Variants in DUSP22 observed in about 807,000 individuals in gnomAD.
The protein encoded by DUSP22 is dual specificity phosphatase 22, also known as dual specificity protein phosphatase 22.
A neutral mutation model predicts 24.5 loss-of-function variants in DUSP22; 24 were observed. The ratio of observed to expected loss-of-function variants is 0.98; its 90% CI spans 0.71 to 1.38. The LOEUF (loss-of-function observed/expected upper bound fraction) is 1.38. Ranked by LOEUF, DUSP22 falls within the 40% of genes most tolerant of loss-of-function variation. The pLI is 0.00. For missense variants in DUSP22, 330 were observed against 269.2 expected (o/e 1.23, Z -1.58); for synonymous variants, 160 against 106.4 (o/e 1.50, Z -3.10).
At chr6:332,578 C>T (rs1424608404) in intron 3 of DUSP22, among the ~76,000 whole-genome samples, 4 of 152,328 alleles carry the variant, frequency 2.6e-5, no homozygotes, top group East Asian at 3.8e-4. Flanking sequence ...TCCAGTCCCA[C>T]GGCTGGTATT....
At chr6:306,942 C>T (rs888851149) in intron 2 of DUSP22, among the ~76,000 whole-genome samples, 16 of 152,300 alleles carry the variant, frequency 1.1e-4, no homozygotes, top group Admixed American at 2.6e-4. Context: ...GTGATGCCCT[C>T]GGTGGGCTCA....
At chr6:309,460 C>A (rs10214458) in intron 2 of DUSP22, among the ~76,000 whole-genome samples, 879 of 152,104 alleles carry the variant, frequency 5.8e-3, no homozygotes, top group Middle Eastern at 0.017. Flanking sequence ...AATTTGAAGC[C>A]TGAGAGGTTG....
intron 4 of DUSP22, among the ~76,000 whole-genome samples, chr6:345,003 C>G (rs1395124726): frequency 6.6e-6 from 1 of 152,300 alleles, no homozygotes; most frequent in Non-Finnish European, 1.5e-5. Flanking sequence ...TCCAGAACTT[C>G]CCTCAACCCC....
In DUSP22 at chr6:292,708, C is replaced by T. The variant is rs558261395; in HGVS notation, c.21+148C>T. 119 of 1,251,864 alleles carry T rather than the reference C, an allele frequency of 9.5e-5. No homozygotes were observed. In the Admixed American group the frequency reaches 1.0e-3, roughly 11 times the overall value. The allele number at this position is 1,251,864 out of a possible 1,614,324, so 77.5% of individuals were successfully genotyped here. A position where few individuals can be genotyped will look rare whatever the true frequency, so the allele number is the denominator to read the frequency against. On this transcript the variant is annotated intron_variant, in intron 1 of 6. Coordinates refer to ENST00000419235, the MANE Select transcript of DUSP22 (RefSeq NM_001286555.3). ...AGGGAGGGGCGGCGCGCCTGGGCGG[C>T]GACCGCGGAGTCGGGGTTCGGAGGT...
At chr6:337,042 G>A (rs1759388120) in intron 4 of DUSP22, 1 of 152,472 alleles carries the variant, frequency 6.6e-6, no homozygotes, top group Non-Finnish European at 1.5e-5. Flanking sequence ...ACCCACTCTG[G>A]GCTCTGGACA....
chr6:294,887 G>A (rs1171030416), intron 1 of DUSP22, among the ~76,000 whole-genome samples: 1 of 152,278 alleles, frequency 6.6e-6, no homozygotes, highest in Non-Finnish European at 1.5e-5. Context: ...GGATGAAAGT[G>A]ACCTAGAAGG....
intron 3 of DUSP22, among the ~76,000 whole-genome samples, chr6:322,189 T>C (rs1758626477): frequency 6.6e-6 from 1 of 152,306 alleles, no homozygotes; most frequent in Admixed American, 6.5e-5. Flanking sequence ...GCCATTGCTC[T>C]TAAATAAAAC....
intron 2 of DUSP22, among the ~76,000 whole-genome samples, chr6:304,892 T>G (rs2127393484): frequency 8.8e-4 from 1 of 1,136 alleles, no homozygotes; most frequent in South Asian, 0.17. Context: ...CATTCTGCTT[T>G]CTGCCTCTAT....
chr6:349,340 G>A lies in DUSP22; in HGVS notation c.*389G>A. On this transcript the variant is annotated 3_prime_UTR_variant, in exon 7 of 7. Transcript: ENST00000419235. ...AGTGTCTGTGCACATGAATGTTTGT[G>A]TGTGTGTGAACTCTTTCTTACTGCT... The A allele has an allele frequency of 9.3e-7, 1 of 1,076,088 alleles. No individual in the cohort carries two copies. The highest frequency in any genetic ancestry group is 5.0e-5 in the Admixed American group (1 of 19,912). 66.7% of individuals were successfully genotyped at this position (1,076,088 alleles called of 1,614,324 possible). A position where few individuals can be genotyped will look rare whatever the true frequency, so the allele number is the denominator to read the frequency against.
chr6:322,382 T>C (rs941574287), intron 3 of DUSP22, among the ~76,000 whole-genome samples: 3 of 152,302 alleles, frequency 2.0e-5, no homozygotes, highest in Non-Finnish European at 4.4e-5. Flanking sequence ...TCAGCTCTTC[T>C]GAGTGCAGTC....
At chr6:339,804 C>G (rs968712148) in intron 4 of DUSP22, among the ~76,000 whole-genome samples, 1 of 152,302 alleles carries the variant, frequency 6.6e-6, no homozygotes, top group Non-Finnish European at 1.5e-5. Flanking sequence ...CTGACACCTT[C>G]TGTACTTTCA....
chr6:345,781 C>T (rs1759835329), intron 4 of DUSP22, 73 bp from the exon 5 acceptor site: 1 of 1,548,768 alleles, frequency 6.5e-7, no homozygotes, highest in Non-Finnish European at 8.8e-7. Context: ...AAAGAAGCCT[C>T]AGGTAGAATT....
Position 350,754 on chromosome 6 carries a change from C to T in DUSP22, c.*1803C>T. ...AATATGTGCACCTTTACAAACCTCT[C>T]AGTGTATTCTTGGAGTTCTTGAAAT... On this transcript the variant is annotated 3_prime_UTR_variant, in exon 7 of 7. Transcript: ENST00000419235. 1.2e-6 allele frequency: 2 copies of T among 1,613,838 alleles called. No homozygotes were observed. Among genetic ancestry groups the T allele is most frequent in the Non-Finnish European group, 1.7e-6 (2 of 1,179,858 alleles).
intron 1 of DUSP22, 47 bp from the exon 2 acceptor site, chr6:304,581 C>T (rs1272463253): frequency 6.2e-7 from 1 of 1,613,954 alleles, no homozygotes; most frequent in Non-Finnish European, 8.5e-7. Context: ...GCAATACCAT[C>T]CACTTAGAGT....
In DUSP22 at chr6:292,500, GACC is replaced by G; in HGVS notation, c.-37_-35del. On this transcript the variant is annotated 5_prime_UTR_variant, in exon 1 of 7. Coordinates refer to ENST00000419235, the MANE Select transcript of DUSP22 (RefSeq NM_001286555.3). Reference sequence around the variant, plus strand: ...CTGTAACATGCCATAGTGCGCCTGCGACCACACGGCCGGGGCGCTAGCGTTCGC... The same window carrying G: ...CTGTAACATGCCATAGTGCGCCTGCGACACGGCCGGGGCGCTAGCGTTCGC... 6.2e-7 allele frequency: 1 copy of G among 1,601,948 alleles called. No homozygotes were observed. Among genetic ancestry groups the G allele is most frequent in the Non-Finnish European group, 8.5e-7 (1 of 1,174,666 alleles).
At chr6:335,737 A>G (rs2127414037) in intron 4 of DUSP22, among the ~76,000 whole-genome samples, 1 of 152,424 alleles carries the variant, frequency 6.6e-6, no homozygotes, top group East Asian at 1.9e-4. Context: ...GTGCTGTTTC[A>G]TACTTGGCAC....
At position 351,080 on chromosome 6, in the gene DUSP22, G is replaced by C; in HGVS notation, c.*2129G>C. 1.3e-6 allele frequency: 1 copy of C among 772,154 alleles called. No individual in the cohort carries two copies. Among genetic ancestry groups the C allele is most frequent in the Non-Finnish European group, 2.0e-6 (1 of 498,142 alleles). The allele number at this position is 772,154 out of a possible 1,614,324, so 47.8% of individuals were successfully genotyped here. A position where few individuals can be genotyped will look rare whatever the true frequency, so the allele number is the denominator to read the frequency against. On this transcript the variant is annotated 3_prime_UTR_variant, in exon 7 of 7. Transcript: ENST00000419235. ...TTCCCCTTATCCCCACTGCTGTGGA[G>C]GTTTCTGTACCTCGCTTGGATGCCT...
chr6:344,973 A>T (rs1486302610), intron 4 of DUSP22, among the ~76,000 whole-genome samples: 16 of 152,296 alleles, frequency 1.1e-4, no homozygotes, highest in Non-Finnish European at 1.6e-4. Context: ...AGGGGCTCCG[A>T]TTGAACATGG....
At chr6:295,416 G>T (rs543355929) in intron 1 of DUSP22, among the ~76,000 whole-genome samples, 1 of 152,278 alleles carries the variant, frequency 6.6e-6, no homozygotes, top group Non-Finnish European at 1.5e-5. Context: ...TTAGGTGTAC[G>T]CAGCAGATTA....
Sources: allele counts gnomAD v4.1 joint callset (sites outside exome capture counted in the v4.1 genomes callset), GRCh38; gene constraint gnomAD v4.1.1; transcripts MANE v1.5; gene names NCBI Gene and HGNC (gene_info 2026-07-23, HGNC 2026-07-21).